The following BIRC6 variants were observed in gnomAD, a reference collection of about 807,000 sequenced individuals.
BIRC6 encodes baculoviral IAP repeat containing 6, also known as dual E2 ubiquitin-conjugating enzyme/E3 ubiquitin-protein ligase BIRC6.
In BIRC6, 98 loss-of-function variants were observed where a neutral mutation model predicts 503.3. The ratio of observed to expected loss-of-function variants is 0.19; its 90% CI spans 0.17 to 0.23. The LOEUF (loss-of-function observed/expected upper bound fraction) is 0.23, where lower values mean the gene tolerates loss of function less well. BIRC6 is among the 10% of genes least tolerant of loss of function. BIRC6 has a pLI of 1.00. For missense variants in BIRC6, 5,360 were observed against 5,806.0 expected, an observed-to-expected ratio of 0.92 and a Z score of 2.50; for synonymous variants, 2,240 against 2,078.7, an observed-to-expected ratio of 1.08 and a Z score of -2.11.
At position 32,525,401 on chromosome 2, in the gene BIRC6, A is replaced by G. The variant is rs866344725; in HGVS notation, c.11756-63A>G. ...CATGCCTTATTAAAATATTTTAGGAACACTGTTTTCCTTCATATTAGTGTG... is the reference window on the plus strand; with the variant it reads ...CATGCCTTATTAAAATATTTTAGGAGCACTGTTTTCCTTCATATTAGTGTG... On this transcript the variant is annotated intron_variant, in intron 58 of 73. Coordinates refer to ENST00000421745, the MANE Select transcript of BIRC6 (RefSeq NM_016252.4). 3.8e-6 allele frequency: 6 copies of G among 1,561,794 alleles called. No homozygotes were observed. In the Middle Eastern group the frequency reaches 6.8e-4, roughly 177 times the overall value.
chr2:32,442,603 T>G, intron 19 of BIRC6, 148 bp downstream of exon 19: 1 of 1,060,552 alleles, frequency 9.4e-7, no homozygotes, highest in Non-Finnish European at 1.3e-6. Flanking sequence ...GTTGATAATC[T>G]TAGCAAGAAT....
At chr2:32,432,040 G>A (rs369798487) in intron 12 of BIRC6, among the ~76,000 whole-genome samples, 1 of 152,180 alleles carries the variant, frequency 6.6e-6, no homozygotes, top group South Asian at 2.1e-4. Flanking sequence ...ACTATATTTT[G>A]TGAGTTCTAG....
rs758309559 is a variant in BIRC6 at position 32,499,497 on chromosome 2, G to C, written c.8469-50G>C. 3.6e-6 allele frequency: 5 copies of C among 1,388,820 alleles called. No homozygotes were observed. In the South Asian group the frequency reaches 7.3e-5, roughly 20 times the overall value. The allele number at this position is 1,388,820 out of a possible 1,614,324, so 86.0% of individuals were successfully genotyped here. A position where few individuals can be genotyped will look rare whatever the true frequency, so the allele number is the denominator to read the frequency against. ...TTAATTTTTAATCCTTTCTCTTGTTGTATCTCTCTCTCTCTCTCTTTTTCT... is the reference window on the plus strand; with the variant it reads ...TTAATTTTTAATCCTTTCTCTTGTTCTATCTCTCTCTCTCTCTCTTTTTCT... On this transcript the variant is annotated intron_variant, in intron 45 of 73. Transcript: ENST00000421745.
At chr2:32,547,746 C>G in intron 63 of BIRC6, 104 bp from the exon 64 acceptor site, 1 of 1,050,328 alleles carries the variant, frequency 9.5e-7, no homozygotes, top group African/African-American at 1.6e-5. Flanking sequence ...AGCCACCAAA[C>G]TGTTTTCCAT....
At chr2:32,397,967 A>G (rs1375191539) in intron 6 of BIRC6, among the ~76,000 whole-genome samples, 1 of 152,030 alleles carries the variant, frequency 6.6e-6, no homozygotes, top group Non-Finnish European at 1.5e-5. Flanking sequence ...CAAGAAGTTG[A>G]TTTGGTCTCT....
intron 24 of BIRC6, among the ~76,000 whole-genome samples, chr2:32,464,114 G>A (rs913114435): frequency 6.6e-6 from 1 of 152,166 alleles, no homozygotes; most frequent in Admixed American, 6.5e-5. Context: ...CTGGTCCCTG[G>A]TGTCAAAAAG....
intron 9 of BIRC6, among the ~76,000 whole-genome samples, chr2:32,414,081 C>T (rs62136284): frequency 0.071 from 10,815 of 151,906 alleles, 508 homozygotes; most frequent in Admixed American, 0.15. Context: ...TACCTGAGGT[C>T]GGGAGTTTGA....
At chr2:32,575,416 T>C (rs759316708) in intron 66 of BIRC6, 50 bp downstream of exon 66, 1 of 1,527,618 alleles carries the variant, frequency 6.5e-7, no homozygotes, top group Non-Finnish European at 9.1e-7. Flanking sequence ...AACAATGTTT[T>C]TAAAATAACT....
At chr2:32,474,058 A>G (rs2049430700) in intron 33 of BIRC6, among the ~76,000 whole-genome samples, 2 of 152,152 alleles carry the variant, frequency 1.3e-5, no homozygotes, top group East Asian at 3.9e-4. Flanking sequence ...GTCCGGCCAC[A>G]CAATATTTTT....
At chr2:32,566,589 A>G (rs929742884) in intron 65 of BIRC6, among the ~76,000 whole-genome samples, 8 of 152,104 alleles carry the variant, frequency 5.3e-5, no homozygotes, top group Non-Finnish European at 1.2e-4. Context: ...CCTGGGCTCT[A>G]GCGATGCTTC....
chr2:32,494,447 C>G (rs535050972), intron 45 of BIRC6, among the ~76,000 whole-genome samples: 1 of 151,302 alleles, frequency 6.6e-6, no homozygotes, highest in Non-Finnish European at 1.5e-5. Flanking sequence ...AGGGTGGTCT[C>G]GATCTCCTGA....
At chr2:32,458,980 G>A (rs1368314997) in intron 23 of BIRC6, among the ~76,000 whole-genome samples, 3 of 152,054 alleles carry the variant, frequency 2.0e-5, no homozygotes, top group African/African-American at 7.2e-5. Flanking sequence ...GTGAGCCACC[G>A]TGCCCAGCCT....
At chr2:32,378,022 A>G (rs1028512040) in intron 2 of BIRC6, among the ~76,000 whole-genome samples, 3 of 152,192 alleles carry the variant, frequency 2.0e-5, no homozygotes, top group African/African-American at 7.2e-5. Flanking sequence ...CCGAGACCCA[A>G]AAAAACAATG....
chr2:32,497,699 C>CT (rs1273737231), intron 45 of BIRC6, among the ~76,000 whole-genome samples: 3 of 151,966 alleles, frequency 2.0e-5, no homozygotes, highest in African/African-American at 7.2e-5. Context: ...TAATTTTTAT[C>CT]TTTTTTTGGG....
In BIRC6 at chr2:32,513,183, T is replaced by A. The variant is rs773315473; in HGVS notation, c.10568+29T>A. On this transcript the variant is annotated intron_variant, in intron 54 of 73. Coordinates refer to ENST00000421745, the MANE Select transcript of BIRC6 (RefSeq NM_016252.4). ...AGTATGATTTGTGAAATCTTTTTTA[T>A]CCCCCAGTACTAGATCAGTTAGTGT... 1.7e-5 allele frequency: 27 copies of A among 1,551,714 alleles called. No homozygotes were observed. In the Admixed American group the frequency reaches 3.3e-4, roughly 19 times the overall value.
chr2:32,516,436 A>G (rs1338174204), intron 55 of BIRC6, among the ~76,000 whole-genome samples: 1 of 151,922 alleles, frequency 6.6e-6, no homozygotes, highest in Non-Finnish European at 1.5e-5. Context: ...GAATTGCTTG[A>G]ATCAGAGAGG....
At chr2:32,435,416 T>C in intron 13 of BIRC6, 80 bp from the exon 14 acceptor site, 1 of 1,364,670 alleles carries the variant, frequency 7.3e-7, no homozygotes, top group South Asian at 1.9e-5. Flanking sequence ...TCATTGATAT[T>C]AAAGAAAATT....
At chr2:32,539,608 C>T (rs1000767984) in intron 61 of BIRC6, among the ~76,000 whole-genome samples, 5 of 152,044 alleles carry the variant, frequency 3.3e-5, no homozygotes, top group African/African-American at 1.2e-4. Flanking sequence ...ACAATAGATA[C>T]TACAAGATAT....
At chr2:32,503,966 C>T (rs1251805687) in intron 49 of BIRC6, among the ~76,000 whole-genome samples, 1 of 139,422 alleles carries the variant, frequency 7.2e-6, no homozygotes, top group African/African-American at 2.7e-5. Flanking sequence ...ATTCTCATGC[C>T]TCAGCCTCCT....
Sources: allele counts gnomAD v4.1 joint callset (sites outside exome capture counted in the v4.1 genomes callset), GRCh38; gene constraint gnomAD v4.1.1; transcripts MANE v1.5; gene names NCBI Gene and HGNC (gene_info 2026-07-23, HGNC 2026-07-21).